Variants in DNAH17 observed in about 807,000 individuals in gnomAD.
DNAH17 encodes axonemal beta dynein heavy chain 17.
DNAH17 carries 376 observed loss-of-function variants against 485.6 expected under a neutral mutation model. The ratio of observed to expected loss-of-function variants is 0.77; its 90% CI spans 0.71 to 0.84. The LOEUF is 0.84. Ranked by LOEUF, DNAH17 falls within the 40% of genes least tolerant of loss-of-function variation. DNAH17 has a pLI of 0.00. For missense variants in DNAH17, 6,370 were observed against 5,839.3 expected (o/e 1.09, Z -2.96); for synonymous variants, 3,031 against 2,405.9 (o/e 1.26, Z -7.60).
intron 20 of DNAH17, among the ~76,000 whole-genome samples, chr17:78,531,296 C>A (rs1385629313): frequency 1.3e-5 from 2 of 151,424 alleles, no homozygotes; most frequent in Non-Finnish European, 2.9e-5. Context: ...TACATAGTGA[C>A]CTTCTTGGTC....
intron 25 of DNAH17, among the ~76,000 whole-genome samples, chr17:78,516,133 G>C (rs1052693457): frequency 6.7e-6 from 1 of 148,522 alleles, no homozygotes; most frequent in Non-Finnish European, 1.5e-5. Context: ...TTGAAGATAC[G>C]ATGATTTGAA....
chr17:78,459,207 G>A lies in DNAH17; in HGVS notation c.9655C>T (p.Pro3219Ser), dbSNP rs1395670853. Residue 3219 changes from proline (P) to serine (S), a missense_variant and splice_region_variant, in exon 61 of 81, where the codon CCC (proline) becomes TCC (serine). By Grantham distance (74) the Pro-to-Ser change is moderately conservative. Coordinates refer to ENST00000389840, the MANE Select transcript of DNAH17 (RefSeq NM_173628.4). ...IPEACLKAFK[P>S]YQGNPTFDPE... ...TCGAACGTCGGGTTGCCTTGGTAGG[G>A]CCTAGCGAGGGAACCAGAGGGCCGG... is the stretch of plus-strand genomic sequence containing the variant. The A allele has an allele frequency of 1.9e-6, 3 of 1,613,644 alleles. No homozygotes were observed. The highest frequency in any genetic ancestry group is 1.3e-5 in the African/African-American group (1 of 75,034).
At chr17:78,475,257 T>G in intron 54 of DNAH17, 21 bp downstream of exon 54, 1 of 1,613,116 alleles carries the variant, frequency 6.2e-7, no homozygotes, top group Non-Finnish European at 8.5e-7. Flanking sequence ...AAAGGCAGCC[T>G]ATTGAACAGT....
intron 8 of DNAH17, 35 bp from the exon 9 acceptor site, chr17:78,569,287 G>A (rs766854498): frequency 1.3e-6 from 2 of 1,596,244 alleles, no homozygotes; most frequent in African/African-American, 1.3e-5. Context: ...GGCCACGTTT[G>A]CTTCAAATGT....
At chr17:78,446,565 C>A in intron 69 of DNAH17, among the ~76,000 whole-genome samples, 1 of 152,178 alleles carries the variant, frequency 6.6e-6, no homozygotes, top group Non-Finnish European at 1.5e-5. Flanking sequence ...TCTCCATTCA[C>A]CTGCTGATGG....
At chr17:78,464,000 C>T (rs1354203655) in intron 56 of DNAH17, among the ~76,000 whole-genome samples, 1 of 152,196 alleles carries the variant, frequency 6.6e-6, no homozygotes, top group Non-Finnish European at 1.5e-5. Flanking sequence ...TGGCCAGTCT[C>T]ATAAATGAAT....
intron 80 of DNAH17, 75 bp downstream of exon 80, chr17:78,425,271 G>A (rs1350903693): frequency 2.8e-6 from 4 of 1,445,152 alleles, no homozygotes; most frequent in South Asian, 2.5e-5. Context: ...TCTTTGCCAA[G>A]AGCTAGTTTT....
chr17:78,487,501 C>T (rs4969140), intron 44 of DNAH17, among the ~76,000 whole-genome samples: 36,235 of 152,060 alleles, frequency 0.24, 4,463 homozygotes, highest in Middle Eastern at 0.34. Context: ...GCCTGCCCTG[C>T]GCTGACCGGC....
At position 78,461,634 on chromosome 17, in the gene DNAH17, C is replaced by G; in HGVS notation, c.9249G>C (p.Leu3083=). ...LKQKNESADQ[L]IQVVGIEAEK... is the part of the protein sequence containing the mutation. ...CGGCCTCGATGCCGACCACCTGGATCAGTTGGTCTGCGCTCTCATTCTTCT... is the reference window on the plus strand; with the variant it reads ...CGGCCTCGATGCCGACCACCTGGATGAGTTGGTCTGCGCTCTCATTCTTCT... Residue 3083 remains leucine (L), a synonymous_variant, in exon 58 of 81, where the codon CTG becomes CTC. Transcript: ENST00000389840. 6.2e-7 allele frequency: 1 copy of G among 1,611,784 alleles called. No individual in the cohort carries two copies.
chr17:78,526,588 T>G, intron 24 of DNAH17, 63 bp downstream of exon 24: 381 of 1,392,278 alleles, frequency 2.7e-4, no homozygotes, highest in Non-Finnish European at 3.5e-4. Context: ...GATAACTACT[T>G]GAGAAAAGAA....
chr17:78,464,017 A>T (rs147295584), intron 56 of DNAH17, among the ~76,000 whole-genome samples: 49 of 152,314 alleles, frequency 3.2e-4, no homozygotes, highest in Non-Finnish European at 6.9e-4. Flanking sequence ...GAATGCTCTA[A>T]TGGCAAGTAG....
At position 78,515,085 on chromosome 17, in the gene DNAH17, C is replaced by T; in HGVS notation, c.3865-63G>A. On this transcript the variant is annotated intron_variant, in intron 25 of 80. Transcript: ENST00000389840. ...TCAAGGAGAATTCAGGAAGAAAACC[C>T]TCTTACCTTTCTGCACTTACTCGCA... The T allele has an allele frequency of 3.8e-6, 6 of 1,588,326 alleles. No homozygotes were observed. In the South Asian group the frequency reaches 6.9e-5, roughly 18 times the overall value.
Position 78,454,735 on chromosome 17 carries a change from G to T in DNAH17, c.10171-30C>A, listed in dbSNP as rs77431968. The T allele has an allele frequency of 1.3e-3, 2,073 of 1,570,512 alleles. 28 individuals are homozygous for T. The African/African-American group carries it at 0.025, about 19-fold the overall frequency. On this transcript the variant is annotated intron_variant, in intron 63 of 80. Transcript: ENST00000389840. The stretch of plus-strand genomic sequence containing the variant: ...CCAGGGAGGCACACTTTCTTAGAGG[G>T]GGTAATGCGACCTTATTACTTACTA...
chr17:78,558,842 A>C (rs1457910758), intron 13 of DNAH17, among the ~76,000 whole-genome samples: 1 of 152,198 alleles, frequency 6.6e-6, no homozygotes, highest in Non-Finnish European at 1.5e-5. Flanking sequence ...TTCTGTCCAC[A>C]AAGCTATTCT....
Position 78,445,558 on chromosome 17 carries a change from CTTG to C in DNAH17, c.11331_11333del (p.Ile3777_Lys3778delinsMet). 1 of 1,561,594 alleles carries C rather than the reference CTTG, an allele frequency of 6.4e-7. No homozygotes were observed. Among genetic ancestry groups the C allele is most frequent in the Non-Finnish European group, 8.7e-7 (1 of 1,152,464 alleles). ...ACGTGTTCAACGTCTAAAGACGAAC[CTTG>C]ATCCCGCCCCAGCCTTGATGCTGGA... On this transcript the variant is annotated inframe_deletion and splice_region_variant, in exon 70 of 81. Coordinates refer to ENST00000389840, the MANE Select transcript of DNAH17 (RefSeq NM_173628.4).
intron 16 of DNAH17, 31 bp from the exon 17 acceptor site, chr17:78,544,028 T>C (rs2091681203): frequency 6.2e-7 from 1 of 1,613,142 alleles, no homozygotes; most frequent in Admixed American, 1.7e-5. Flanking sequence ...TGAGAAAAGG[T>C]GTTCTGGAGA....
chr17:78,514,307 C>A (rs1311177722), intron 26 of DNAH17, among the ~76,000 whole-genome samples: 1 of 151,938 alleles, frequency 6.6e-6, no homozygotes, highest in Non-Finnish European at 1.5e-5. Flanking sequence ...GAGTTCGAGA[C>A]CAGCCTGGCC....
At chr17:78,571,493 C>G in intron 4 of DNAH17, 97 bp downstream of exon 4, 2 of 1,516,968 alleles carry the variant, frequency 1.3e-6, no homozygotes, top group Non-Finnish European at 1.8e-6. Context: ...TCAGAGCCCT[C>G]AGGACTCCTG....
chr17:78,566,770 C>T (rs1288982674), intron 10 of DNAH17, 40 bp from the exon 11 acceptor site: 4 of 1,510,628 alleles, frequency 2.6e-6, no homozygotes, highest in Admixed American at 1.9e-5. Flanking sequence ...AATCAGCGTG[C>T]AAAGCAAGCC....
Sources: allele counts gnomAD v4.1 joint callset (sites outside exome capture counted in the v4.1 genomes callset), GRCh38; gene constraint gnomAD v4.1.1; transcripts MANE v1.5; gene names NCBI Gene and HGNC (gene_info 2026-07-23, HGNC 2026-07-21).